The following MIB1 variants were observed in gnomAD, a reference collection of about 807,000 sequenced individuals.
MIB1 encodes MIB E3 ubiquitin protein ligase 1, also known as E3 ubiquitin-protein ligase MIB1.
A neutral mutation model predicts 124.5 loss-of-function variants in MIB1; 278 were observed. The ratio of observed to expected loss-of-function variants is 2.23; its 90% CI spans 2.02 to 2.47. MIB1 has a LOEUF of 2.47. MIB1 is among the 30% of genes most tolerant of loss of function. MIB1 has a pLI of 0.00. For missense variants in MIB1, 957 were observed against 1,254.4 expected (o/e 0.76, Z 3.58); for synonymous variants, 446 against 429.4 (o/e 1.04, Z -0.48).
intron 1 of MIB1, among the ~76,000 whole-genome samples, chr18:21,705,869 G>A (rs1485548948): frequency 1.3e-5 from 2 of 151,988 alleles, no homozygotes; most frequent in African/African-American, 4.8e-5. Context: ...TAGAGTTCCC[G>A]AGAGGACAAG....
chr18:21,751,087 A>G (rs1251416717), intron 1 of MIB1, among the ~76,000 whole-genome samples: 1 of 151,908 alleles, frequency 6.6e-6, no homozygotes, highest in African/African-American at 2.4e-5. Context: ...AGCCCCAGCT[A>G]TTTGTTGGTG....
intron 7 of MIB1, among the ~76,000 whole-genome samples, chr18:21,795,992 C>G (rs958922344): frequency 1.3e-5 from 2 of 152,048 alleles, no homozygotes; most frequent in African/African-American, 4.8e-5. Flanking sequence ...AGTAAAAACC[C>G]TGTAGTCTTG....
In MIB1 at chr18:21,750,765, T is replaced by C. The variant is rs141761446; in HGVS notation, c.229+8953T>C. Among the ~76,000 whole-genome samples the C allele has an allele frequency of 3.0e-4, 46 of 152,212 alleles. No homozygotes were observed. In the East Asian group the frequency reaches 8.7e-3, roughly 29 times the overall value. ...AGGCGTGAGCCACTGCGCCCGGCCA[T>C]CTCCTGCCCCACACCTCTTACCTTT... is the stretch of plus-strand genomic sequence containing the variant. On this transcript the variant is annotated intron_variant, in intron 1 of 20. Coordinates refer to ENST00000261537, the MANE Select transcript of MIB1 (RefSeq NM_020774.4).
upstream of MIB1, among the ~76,000 whole-genome samples, chr18:21,739,082 C>T (rs182363328): frequency 4.0e-5 from 6 of 151,648 alleles, no homozygotes; most frequent in Admixed American, 6.6e-5. Context: ...CAAATAGATG[C>T]AATAAAAAAT....
rs192694898 is a variant in MIB1, at chr18:21,792,391, T to C, written c.1092+834T>C. Reference sequence around the variant, plus strand: ...ACTGTAATTGTTCGGTCTCTTCTCCTGGCCAGCACCTCCTTCTCTTCCCAT... The same window carrying C: ...ACTGTAATTGTTCGGTCTCTTCTCCCGGCCAGCACCTCCTTCTCTTCCCAT... On this transcript the variant is annotated intron_variant, in intron 7 of 20. Transcript: ENST00000261537. Among the ~76,000 whole-genome samples the C allele has an allele frequency of 7.6e-3, 1,150 of 152,048 alleles. 6 individuals are homozygous for C. The highest frequency in any genetic ancestry group is 0.011 in the Non-Finnish European group (762 of 67,962).
intron 1 of MIB1, among the ~76,000 whole-genome samples, chr18:21,759,320 G>A (rs984077354): frequency 1.3e-5 from 2 of 151,858 alleles, no homozygotes; most frequent in South Asian, 4.2e-4. Flanking sequence ...TCGGCTCACG[G>A]CAGCCTCCTC....
intron 10 of MIB1, among the ~76,000 whole-genome samples, chr18:21,805,997 G>A (rs2041701636): frequency 7.1e-6 from 1 of 141,836 alleles, no homozygotes; most frequent in Non-Finnish European, 1.5e-5. Context: ...TCCGCCTCCC[G>A]GTTCAAGTGA....
chr18:21,800,043 A>G, intron 9 of MIB1, 69 bp downstream of exon 9: 1 of 1,289,828 alleles, frequency 7.8e-7, no homozygotes, highest in Admixed American at 2.2e-5. Context: ...TATCCTCAAC[A>G]ATTACTAAGA....
chr18:21,822,988 C>T (rs1422485958), intron 12 of MIB1, among the ~76,000 whole-genome samples: 4 of 151,976 alleles, frequency 2.6e-5, no homozygotes, highest in Admixed American at 1.3e-4. Flanking sequence ...AATCCCAGCA[C>T]TTTGGGAGGC....
chr18:21,721,121 T>C (rs1210691762), intron 1 of MIB1, among the ~76,000 whole-genome samples: 1 of 148,328 alleles, frequency 6.7e-6, no homozygotes, highest in Non-Finnish European at 1.5e-5. Flanking sequence ...ATTTTTCCTG[T>C]AAGAGATTTT....
At chr18:21,784,524 A>G (rs752477893) in intron 6 of MIB1, among the ~76,000 whole-genome samples, 2 of 152,354 alleles carry the variant, frequency 1.3e-5, no homozygotes, top group South Asian at 4.1e-4. Flanking sequence ...TAGTTATAAT[A>G]GTTATACTAG....
At chr18:21,861,869 C>T (rs1352133348) in intron 20 of MIB1, among the ~76,000 whole-genome samples, 3 of 151,982 alleles carry the variant, frequency 2.0e-5, no homozygotes, top group African/African-American at 4.8e-5. Context: ...ATTTAATAGA[C>T]ATGAAATTAT....
chr18:21,740,688 G>A (rs896831265), upstream of MIB1, among the ~76,000 whole-genome samples: 3 of 152,232 alleles, frequency 2.0e-5, no homozygotes, highest in African/African-American at 7.2e-5. Flanking sequence ...GCACCACCGG[G>A]CGGCAACTCC....
At chr18:21,794,626 C>G (rs1016396912) in intron 7 of MIB1, among the ~76,000 whole-genome samples, 1 of 151,988 alleles carries the variant, frequency 6.6e-6, no homozygotes, top group African/African-American at 2.4e-5. Context: ...GGAAAACTGA[C>G]CCAGAACAGC....
chr18:21,849,392 A>C lies in MIB1; in HGVS notation c.2586+4A>C. On this transcript the variant is annotated splice_donor_region_variant and intron_variant, in intron 17 of 20. Transcript: ENST00000261537. ...ACAGGTTCAATCCAGGACAAAGGTA[A>C]GATATATTTAATATAGTATTTTGTC... 1 of 1,555,452 alleles carries C rather than the reference A, an allele frequency of 6.4e-7. No homozygotes were observed. The highest frequency in any genetic ancestry group is 8.7e-7 in the Non-Finnish European group (1 of 1,143,646).
At chr18:21,790,466 C>T (rs1044877434) in intron 6 of MIB1, among the ~76,000 whole-genome samples, 1 of 151,984 alleles carries the variant, frequency 6.6e-6, no homozygotes, top group African/African-American at 2.4e-5. Flanking sequence ...ATTCTTAGAC[C>T]TATTTAAGAT....
At chr18:21,751,671 A>G (rs371619100) in intron 1 of MIB1, among the ~76,000 whole-genome samples, 12 of 151,816 alleles carry the variant, frequency 7.9e-5, no homozygotes, top group African/African-American at 2.7e-4. Context: ...TGGGGGAAAA[A>G]TCCTTTCCCC....
At chr18:21,763,223 A>T (rs1344048350) in intron 1 of MIB1, among the ~76,000 whole-genome samples, 2 of 152,154 alleles carry the variant, frequency 1.3e-5, no homozygotes, top group Non-Finnish European at 2.9e-5. Context: ...TATTAAGTGG[A>T]TAGTAAGTTA....
intron 1 of MIB1, among the ~76,000 whole-genome samples, chr18:21,761,094 A>G (rs901915012): frequency 2.6e-5 from 4 of 152,344 alleles, no homozygotes; most frequent in Admixed American, 6.5e-5. Flanking sequence ...CTTTAAATCA[A>G]TATGTAATCA....
Sources: gnomAD v4.1 joint callset for allele counts (sites outside exome capture counted in the v4.1 genomes callset) on GRCh38, gnomAD v4.1.1 for gene constraint, MANE v1.5 for transcripts, NCBI Gene and HGNC (gene_info 2026-07-23, HGNC 2026-07-21) for gene names.